Variants in MTHFS observed in about 807,000 individuals in gnomAD.
MTHFS encodes the protein 5-formyltetrahydrofolate cyclo-ligase.
In MTHFS, 7 loss-of-function variants were observed where a neutral mutation model predicts 12.7. The observed-to-expected ratio is 0.55, with a 90% CI of 0.31 to 1.03. The LOEUF is 1.03. MTHFS is among the 50% of genes least tolerant of loss of function. The probability of loss-of-function intolerance (pLI) is 0.05; values close to 1 mark genes in which losing one functional copy is unlikely to be tolerated. For synonymous variants in MTHFS, 100 were observed against 97.1 expected (o/e 1.03, Z -0.18); for missense variants, 252 against 258.1 (o/e 0.98, Z 0.16).
At chr15:79,866,476 A>G (rs910543044) in intron 2 of MTHFS, among the ~76,000 whole-genome samples, 1 of 152,174 alleles carries the variant, frequency 6.6e-6, no homozygotes, top group Non-Finnish European at 1.5e-5. Context: ...ACAACCCCCA[A>G]ATAAAAAGGG....
intron 2 of MTHFS, among the ~76,000 whole-genome samples, chr15:79,862,537 C>T (rs993507626): frequency 1.3e-5 from 2 of 152,186 alleles, no homozygotes; most frequent in African/African-American, 4.8e-5. Flanking sequence ...TCACAGAAGA[C>T]TATCTTGCCT....
intron 2 of MTHFS, among the ~76,000 whole-genome samples, chr15:79,886,722 A>T (rs546096745): frequency 5.9e-5 from 9 of 152,272 alleles, no homozygotes; most frequent in East Asian, 3.9e-4. Flanking sequence ...TTTCTGTCTC[A>T]TCAGCTATAG....
chr15:79,896,917 C>T lies in MTHFS; in HGVS notation c.72G>A (p.Met24Ile). The change falls in exon 1 of 3, where the codon ATG (methionine) becomes ATA (isoleucine). Residue 24 changes from methionine to isoleucine, a missense_variant. Met to Ile is a conservative substitution (Grantham distance 10, BLOSUM62 1). Transcript: ENST00000258874. ...ACTGGCGTAGCCGCTCCTCGGCACT[C>T]ATCGCCCGCAGACGCTGCTTCAGCT... ...RGELKQRLRA[M>I]SAEERLRQSR... is the part of the protein sequence containing the mutation. 1 of 1,542,262 alleles carries T rather than the reference C, an allele frequency of 6.5e-7. No individual in the cohort carries two copies. Among genetic ancestry groups the T allele is most frequent in the Non-Finnish European group, 8.7e-7 (1 of 1,146,272 alleles).
chr15:79,890,788 A>C (rs1366847856), intron 1 of MTHFS, among the ~76,000 whole-genome samples: 3 of 152,164 alleles, frequency 2.0e-5, no homozygotes, highest in African/African-American at 7.2e-5. Flanking sequence ...GTTAACTCTC[A>C]CATTCTGAAA....
At chr15:79,896,792 A>G (rs753392704) in intron 1 of MTHFS, 80 bp downstream of exon 1, 56 of 1,459,762 alleles carry the variant, frequency 3.8e-5, no homozygotes, top group Non-Finnish European at 4.9e-5. Flanking sequence ...AGCACGGACC[A>G]TGCACAGATC....
chr15:79,882,551 T>C (rs563173895), intron 2 of MTHFS, among the ~76,000 whole-genome samples: 1 of 152,216 alleles, frequency 6.6e-6, no homozygotes, highest in Non-Finnish European at 1.5e-5. Context: ...TCAGCATCTT[T>C]ACCTCATCCA....
intron 2 of MTHFS, among the ~76,000 whole-genome samples, chr15:79,859,583 C>T (rs867778151): frequency 2.6e-5 from 4 of 152,194 alleles, no homozygotes; most frequent in South Asian, 2.1e-4. Context: ...TTTGGGAGGC[C>T]GAGGCGGGCA....
intron 2 of MTHFS, among the ~76,000 whole-genome samples, chr15:79,885,567 C>T (rs953278505): frequency 6.6e-6 from 1 of 152,218 alleles, no homozygotes; most frequent in Non-Finnish European, 1.5e-5. Context: ...AGTCAATCCG[C>T]ACTTCTTTTC....
intron 2 of MTHFS, among the ~76,000 whole-genome samples, chr15:79,885,529 T>G (rs1389903688): frequency 6.6e-6 from 1 of 152,214 alleles, no homozygotes; most frequent in Non-Finnish European, 1.5e-5. Context: ...TGGGTAGGGC[T>G]GCCGAGCTGG....
intron 2 of MTHFS, among the ~76,000 whole-genome samples, chr15:79,885,735 A>G (rs528585803): frequency 1.3e-5 from 2 of 152,346 alleles, no homozygotes; most frequent in East Asian, 3.9e-4. Context: ...TTAGAAAACA[A>G]ACTTGTTCTT....
intron 2 of MTHFS, among the ~76,000 whole-genome samples, chr15:79,865,905 C>A (rs1317899818): frequency 1.3e-5 from 2 of 152,206 alleles, no homozygotes; most frequent in East Asian, 1.9e-4. Context: ...TTAAACTATT[C>A]CCTTCTTTCT....
intron 2 of MTHFS, among the ~76,000 whole-genome samples, chr15:79,866,215 C>T (rs2034008308): frequency 6.6e-6 from 1 of 152,038 alleles, no homozygotes; most frequent in South Asian, 2.1e-4. Context: ...CCTCAGAGGA[C>T]CTGATCATGG....
chr15:79,866,534 A>G (rs1389119326), intron 2 of MTHFS, among the ~76,000 whole-genome samples: 5 of 152,216 alleles, frequency 3.3e-5, no homozygotes, highest in African/African-American at 1.2e-4. Context: ...AGCCAAGCAG[A>G]CAGTAGGTGT....
intron 2 of MTHFS, among the ~76,000 whole-genome samples, chr15:79,846,655 T>C (rs1484936416): frequency 6.6e-6 from 1 of 152,230 alleles, no homozygotes; most frequent in Non-Finnish European, 1.5e-5. Flanking sequence ...GACCTTCCCC[T>C]GTAAACCTCC....
intron 1 of MTHFS, among the ~76,000 whole-genome samples, chr15:79,890,207 C>CTTTTTTTTTTTTTT (rs71150999): frequency 2.0e-5 from 2 of 100,694 alleles, no homozygotes; most frequent in Admixed American, 1.2e-4. Flanking sequence ...CTCTTTTTTC[C>CTTTTTTTTTTTTTT]TTTTTTTTTT....
At chr15:79,879,384 A>G (rs745983421) in intron 2 of MTHFS, among the ~76,000 whole-genome samples, 1 of 135,020 alleles carries the variant, frequency 7.4e-6, no homozygotes, top group Non-Finnish European at 1.5e-5. Context: ...CTGGAGTCCA[A>G]TGGTGTGATC....
intron 2 of MTHFS, among the ~76,000 whole-genome samples, chr15:79,857,811 T>C (rs1384579351): frequency 1.3e-5 from 2 of 151,896 alleles, no homozygotes; most frequent in African/African-American, 4.8e-5. Flanking sequence ...GGTCAGGAGT[T>C]CGAGACCAGT....
At chr15:79,867,939 G>A (rs968417559) in intron 2 of MTHFS, among the ~76,000 whole-genome samples, 1 of 152,176 alleles carries the variant, frequency 6.6e-6, no homozygotes, top group Non-Finnish European at 1.5e-5. Flanking sequence ...GAGAGAGAGA[G>A]CACGAGCGAG....
rs2033576950 is a variant in MTHFS at position 79,844,644 on chromosome 15, T to G, written c.*566A>C. Among the ~76,000 whole-genome samples the G allele has an allele frequency of 6.6e-6, 1 of 152,022 alleles. No homozygotes were observed. The highest frequency in any genetic ancestry group is 2.4e-5 in the African/African-American group (1 of 41,366). ...GTAACCAATCAGTGGAGTAAAAGTA[T>G]TTAAATCATAAAAGGTTTCCCTCCA... On this transcript the variant is annotated 3_prime_UTR_variant, in exon 3 of 3. Coordinates refer to ENST00000258874, the MANE Select transcript of MTHFS (RefSeq NM_006441.4).
Sources: gnomAD v4.1 joint callset for allele counts (sites outside exome capture counted in the v4.1 genomes callset) on GRCh38, gnomAD v4.1.1 for gene constraint, MANE v1.5 for transcripts, NCBI Gene and HGNC (gene_info 2026-07-23, HGNC 2026-07-21) for gene names.